Variants in ENTPD7 observed in about 807,000 individuals in gnomAD.
The protein encoded by ENTPD7 is ectonucleoside triphosphate diphosphohydrolase 7, also known as NTPDase 7.
In ENTPD7, 53 loss-of-function variants were observed where a neutral mutation model predicts 77.9. The ratio of observed to expected loss-of-function variants is 0.68; its 90% confidence interval spans 0.55 to 0.85. The LOEUF is 0.85. ENTPD7 is among the 40% of genes least tolerant of loss of function. The probability of loss-of-function intolerance (pLI) is 0.00; values close to 1 mark genes in which losing one functional copy is unlikely to be tolerated. For missense variants in ENTPD7, 636 were observed against 743.7 expected, an observed-to-expected ratio of 0.86 and a Z score of 1.68; for synonymous variants, 248 against 274.9, an observed-to-expected ratio of 0.90 and a Z score of 0.97.
chr10:99,695,636 C>T (rs2035959244), intron 8 of ENTPD7, among the ~76,000 whole-genome samples: 1 of 152,080 alleles, frequency 6.6e-6, no homozygotes, highest in South Asian at 2.1e-4. Flanking sequence ...AACACATTCC[C>T]ATTGAGGGAA....
At chr10:99,680,813 G>A (rs904546683) in intron 5 of ENTPD7, among the ~76,000 whole-genome samples, 1 of 152,162 alleles carries the variant, frequency 6.6e-6, no homozygotes, top group Non-Finnish European at 1.5e-5. Flanking sequence ...CTGGGCTCAA[G>A]TGATCCGCTT....
chr10:99,667,318 C>T (rs968306899), intron 3 of ENTPD7, among the ~76,000 whole-genome samples: 2 of 152,316 alleles, frequency 1.3e-5, no homozygotes, highest in Middle Eastern at 3.4e-3. Flanking sequence ...TTTGCTGTGT[C>T]GATGACTCTA....
At chr10:99,686,916 C>CTT (rs11325544) in intron 6 of ENTPD7, among the ~76,000 whole-genome samples, 3 of 98,094 alleles carry the variant, frequency 3.1e-5, no homozygotes, top group Non-Finnish European at 4.3e-5. Context: ...GGCTGTGAAT[C>CTT]TTTTTTTTTT....
intron 3 of ENTPD7, among the ~76,000 whole-genome samples, 158 bp downstream of exon 3, chr10:99,661,786 A>G (rs935749926): frequency 1.3e-5 from 2 of 152,240 alleles, no homozygotes; most frequent in East Asian, 1.9e-4. Context: ...TATTTTGGCA[A>G]TATGCAGTTT....
rs1263281719 is a variant in ENTPD7, at chr10:99,709,043, T to G, written c.*4360T>G. ...AGTGCCAAGTTTTCACTACATCTATTCTTGTTCCTGTATTTCTTTTCGTAC... is the reference window on the plus strand; with the variant it reads ...AGTGCCAAGTTTTCACTACATCTATGCTTGTTCCTGTATTTCTTTTCGTAC... On this transcript the variant is annotated 3_prime_UTR_variant, in exon 13 of 13. Transcript: ENST00000370489. The G allele has an allele frequency of 1.0e-6, 1 of 983,326 alleles. No individual in the cohort carries two copies. The highest frequency in any genetic ancestry group is 1.7e-5 in the African/African-American group (1 of 57,214). The allele number at this position is 983,326 out of a possible 1,614,324, so 60.9% of individuals were successfully genotyped here.
In ENTPD7 at chr10:99,709,792, C is replaced by T. The variant is rs1014160288; in HGVS notation, c.*5109C>T. 4 of 985,344 alleles carry T rather than the reference C, an allele frequency of 4.1e-6. No individual in the cohort carries two copies. Among genetic ancestry groups the T allele is most frequent in the Middle Eastern group, 5.2e-4 (1 of 1,914 alleles). The allele number at this position is 985,344 out of a possible 1,614,324, so 61.0% of individuals were successfully genotyped here. ...TTCTCTTGTGTTATTACACATTTCTCTTTTGCTCTAATATTTCATTATTTT... is the reference window on the plus strand; with the variant it reads ...TTCTCTTGTGTTATTACACATTTCTTTTTTGCTCTAATATTTCATTATTTT... On this transcript the variant is annotated 3_prime_UTR_variant, in exon 13 of 13. Transcript: ENST00000370489.
At chr10:99,680,457 C>T (rs557975708) in intron 5 of ENTPD7, among the ~76,000 whole-genome samples, 148 of 152,204 alleles carry the variant, frequency 9.7e-4, no homozygotes, top group African/African-American at 3.5e-3. Context: ...TGTGATTTCT[C>T]TCCTTTGGTA....
At chr10:99,678,412 G>A (rs1034841305) in intron 3 of ENTPD7, among the ~76,000 whole-genome samples, 18 of 151,664 alleles carry the variant, frequency 1.2e-4, no homozygotes, top group Non-Finnish European at 2.5e-4. Flanking sequence ...AGCGTGCAGT[G>A]AGCTGAGATC....
At chr10:99,665,071 T>C (rs1319890999) in intron 3 of ENTPD7, among the ~76,000 whole-genome samples, 2 of 151,826 alleles carry the variant, frequency 1.3e-5, no homozygotes, top group Non-Finnish European at 2.9e-5. Context: ...TGCAACATGG[T>C]GAAACTCTGT....
rs1374442465 is a variant in ENTPD7, at chr10:99,687,258, TC to T, written c.652+1364del. Among the ~76,000 whole-genome samples, 136 of 27,140 alleles carry T rather than the reference TC, an allele frequency of 5.0e-3. 2 individuals are homozygous for T. The highest frequency in any genetic ancestry group is 0.017 in the African/African-American group (127 of 7,646). The allele number at this position is 27,140 out of a possible 152,430, so 17.8% of individuals were successfully genotyped here. ...TTTTTCTTTTCTTTCTTTCTTTCTT[TC>T]TTTTTTTTTTTTTTTTTTTTTTTTT... On this transcript the variant is annotated intron_variant, in intron 6 of 12. Coordinates refer to ENST00000370489, the MANE Select transcript of ENTPD7 (RefSeq NM_020354.5).
rs2036042475 is a variant in ENTPD7, at chr10:99,698,761, G to A, written c.1238G>A (p.Ser413Asn). 1.2e-6 allele frequency: 2 copies of A among 1,614,272 alleles called. No individual in the cohort carries two copies. The highest frequency in any genetic ancestry group is 4.5e-5 in the East Asian group (2 of 44,886). Residue 413 changes from serine (S) to asparagine (N), a missense_variant, in exon 10 of 13, where the codon AGC becomes AAC. This residue lies in a region of ENTPD7 where 486 missense variants were observed against 556.5 expected (regional missense o/e 0.87). Transcript: ENST00000370489. ...IYQSPIDFNN[S>N]EFYGFSEFFY... ...CAATCGCCTATTGACTTCAACAACA[G>A]CGAGTTCTACGGCTTCTCTGAGTTT...
rs2035724242 is a variant in ENTPD7, at chr10:99,679,434, A to G, written c.365A>G (p.Asn122Ser). ...GACATCAAACAGATGAGAGACCGCAACAGCCAACCAGTGGTTAAAAAAATC... is the reference window on the plus strand; with the variant it reads ...GACATCAAACAGATGAGAGACCGCAGCAGCCAACCAGTGGTTAAAAAAATC... ...LLDIKQMRDRNSQPVVKKIKP... is the reference protein window; with the variant it reads ...LLDIKQMRDRSSQPVVKKIKP... The change falls in exon 4 of 13, where the codon AAC becomes AGC. Residue 122 changes from asparagine (N) to serine (S), a missense_variant. Around this residue, in one of 3 missense-constraint regions of ENTPD7, gnomAD observed 486 missense variants for 556.5 expected, o/e 0.87. Transcript: ENST00000370489. The G allele has an allele frequency of 6.2e-7, 1 of 1,613,888 alleles. No homozygotes were observed. The highest frequency in any genetic ancestry group is 8.5e-7 in the Non-Finnish European group (1 of 1,179,984).
At chr10:99,702,922 G>A (rs751494489) in intron 12 of ENTPD7, among the ~76,000 whole-genome samples, 5 of 152,134 alleles carry the variant, frequency 3.3e-5, no homozygotes, top group Non-Finnish European at 5.9e-5. Context: ...CAGAAATCCA[G>A]CTTTATTTGT....
At chr10:99,691,644 GTTATC>G (rs1228463475) in intron 8 of ENTPD7, 126 bp downstream of exon 8, 1 of 997,688 alleles carries the variant, frequency 1.0e-6, no homozygotes, top group African/African-American at 1.6e-5. Flanking sequence ...GCTAGCTTGC[GTTATC>G]TTGAGTAGGT....
At chr10:99,660,105 A>G in intron 2 of ENTPD7, 141 bp downstream of exon 2, 1 of 1,324,840 alleles carries the variant, frequency 7.5e-7, no homozygotes, top group East Asian at 2.5e-5. Context: ...GGATGCAGAG[A>G]CGATCAAAGT....
At chr10:99,662,871 G>T (rs924819823) in intron 3 of ENTPD7, among the ~76,000 whole-genome samples, 1 of 152,246 alleles carries the variant, frequency 6.6e-6, no homozygotes, top group Non-Finnish European at 1.5e-5. Context: ...GAACAGGTAA[G>T]AATGCTGCAT....
At position 99,702,614 on chromosome 10, in the gene ENTPD7, C is replaced by T; in HGVS notation, c.1524C>T (p.Asp508=). Reference sequence around the variant, plus strand: ...TGCGGACAGCCCAGCTGGTGTATGACCGAGAGGTTCAGTGGACGCTGGGAG... The same window carrying T: ...TGCGGACAGCCCAGCTGGTGTATGATCGAGAGGTTCAGTGGACGCTGGGAG... ...PNLRTAQLVY[D]REVQWTLGAI... Residue 508 remains aspartate, a synonymous_variant, in exon 12 of 13, where the codon GAC becomes GAT. Transcript: ENST00000370489. 1.2e-6 allele frequency: 2 copies of T among 1,613,766 alleles called. No individual in the cohort carries two copies. The highest frequency in any genetic ancestry group is 1.7e-6 in the Non-Finnish European group (2 of 1,179,888).
chr10:99,681,038 G>C (rs1462660591), intron 5 of ENTPD7, among the ~76,000 whole-genome samples: 1 of 152,142 alleles, frequency 6.6e-6, no homozygotes, highest in African/African-American at 2.4e-5. Flanking sequence ...ACATATTGCA[G>C]AATGCCCTTT....
chr10:99,673,525 C>T (rs1330089149), intron 3 of ENTPD7, among the ~76,000 whole-genome samples: 3 of 152,112 alleles, frequency 2.0e-5, no homozygotes, highest in African/African-American at 4.8e-5. Context: ...TTTGTATGCA[C>T]AATGAGAAAA....
Sources: gnomAD v4.1 joint callset for allele counts (sites outside exome capture counted in the v4.1 genomes callset) on GRCh38, gnomAD v4.1.1 for gene constraint, gnomAD v4.1.1 regional missense constraint, MANE v1.5 for transcripts, NCBI Gene and HGNC (gene_info 2026-07-23, HGNC 2026-07-21) for gene names.